IMMP2L: variants seen among roughly 807,000 people sequenced by gnomAD.
IMMP2L encodes inner mitochondrial membrane peptidase subunit 2, also known as mitochondrial inner membrane protease subunit 2.
A neutral mutation model predicts 19.3 loss-of-function variants in IMMP2L; 18 were observed. That is an observed-to-expected ratio of 0.93 (90% CI 0.64 to 1.38). IMMP2L has a LOEUF of 1.38. Among genes scored for constraint, IMMP2L ranks in the 40% most tolerant of loss-of-function variants. The pLI is 0.00. For missense variants in IMMP2L, 233 were observed against 218.2 expected (o/e 1.07, Z -0.43); for synonymous variants, 76 against 73.0 (o/e 1.04, Z -0.21).
At chr7:110,980,085 G>A (rs1228502256) in intron 3 of IMMP2L, among the ~76,000 whole-genome samples, 1 of 151,898 alleles carries the variant, frequency 6.6e-6, no homozygotes, top group Non-Finnish European at 1.5e-5. Context: ...ACAATAAAAA[G>A]CCCTTTCATT....
chr7:110,684,025 A>C (rs1320209360), intron 5 of IMMP2L, among the ~76,000 whole-genome samples: 2 of 152,136 alleles, frequency 1.3e-5, no homozygotes, highest in African/African-American at 2.4e-5. Context: ...AAGAGTAAAT[A>C]ACATGGAGTC....
intron 3 of IMMP2L, among the ~76,000 whole-genome samples, chr7:111,006,790 GA>G (rs1426060083): frequency 2.6e-5 from 4 of 151,988 alleles, no homozygotes; most frequent in Admixed American, 2.6e-4. Flanking sequence ...AGCACTTGAA[GA>G]TCCCCCTTCT....
At chr7:111,193,063 G>A (rs1173757444) in intron 3 of IMMP2L, among the ~76,000 whole-genome samples, 1 of 152,090 alleles carries the variant, frequency 6.6e-6, no homozygotes, top group African/African-American at 2.4e-5. Context: ...CATAAATGGA[G>A]ATATTGAGTA....
At chr7:110,669,348 TC>T (rs1364205902) in intron 5 of IMMP2L, among the ~76,000 whole-genome samples, 1 of 152,144 alleles carries the variant, frequency 6.6e-6, no homozygotes, top group African/African-American at 2.4e-5. Flanking sequence ...GGGGAAGTCA[TC>T]CTGTTGTTCT....
intron 3 of IMMP2L, among the ~76,000 whole-genome samples, chr7:111,182,472 T>C (rs1478011198): frequency 1.3e-5 from 2 of 151,844 alleles, no homozygotes; most frequent in African/African-American, 4.8e-5. Flanking sequence ...CCTCAGACCT[T>C]GGAAATCTCA....
At chr7:111,241,832 G>A (rs943397992) in intron 3 of IMMP2L, among the ~76,000 whole-genome samples, 2 of 151,602 alleles carry the variant, frequency 1.3e-5, no homozygotes, top group Non-Finnish European at 2.9e-5. Flanking sequence ...ACAAAATGAA[G>A]TAAATACATT....
intron 3 of IMMP2L, among the ~76,000 whole-genome samples, chr7:111,086,143 G>A (rs1487128065): frequency 6.6e-6 from 1 of 151,742 alleles, no homozygotes; most frequent in Non-Finnish European, 1.5e-5. Flanking sequence ...AAAAAAAGAC[G>A]TGGACTGGTA....
At chr7:111,019,941 T>C (rs1467364372) in intron 3 of IMMP2L, among the ~76,000 whole-genome samples, 2 of 152,144 alleles carry the variant, frequency 1.3e-5, no homozygotes, top group Admixed American at 1.3e-4. Context: ...ATCTCTTCCA[T>C]GAAGCATTTC....
At chr7:111,423,098 T>A (rs1321860220) in intron 3 of IMMP2L, among the ~76,000 whole-genome samples, 4 of 151,874 alleles carry the variant, frequency 2.6e-5, no homozygotes, top group Non-Finnish European at 5.9e-5. Flanking sequence ...AGCTTCTTGA[T>A]GTGCTGCTGG....
At chr7:110,744,723 C>T (rs1317582766) in intron 5 of IMMP2L, among the ~76,000 whole-genome samples, 1 of 152,166 alleles carries the variant, frequency 6.6e-6, no homozygotes, top group East Asian at 1.9e-4. Flanking sequence ...AAAGGATGTC[C>T]ACTCAGAGAC....
At chr7:111,121,256 GCTGT>G (rs1396563742) in intron 3 of IMMP2L, among the ~76,000 whole-genome samples, 5 of 152,126 alleles carry the variant, frequency 3.3e-5, no homozygotes, top group Non-Finnish European at 7.4e-5. Flanking sequence ...CTGGATATTA[GCTGT>G]CTGTCAGATG....
Position 110,754,219 on chromosome 7 carries a change from A to G in IMMP2L, c.409-90498T>C, listed in dbSNP as rs537833759. On this transcript the variant is annotated intron_variant, in intron 5 of 5. Coordinates refer to ENST00000405709, the MANE Select transcript of IMMP2L (RefSeq NM_032549.4). Reference sequence around the variant, plus strand: ...GAAAAAGTAAGGTAATGAATGGTTTACCAGCTTTTTCTGTGTTTTACTGCT... The same window carrying G: ...GAAAAAGTAAGGTAATGAATGGTTTGCCAGCTTTTTCTGTGTTTTACTGCT... Among the ~76,000 whole-genome samples the G allele has an allele frequency of 4.6e-5, 7 of 152,196 alleles. No homozygotes were observed. The South Asian group carries it at 1.5e-3, about 32-fold the overall frequency.
intron 3 of IMMP2L, among the ~76,000 whole-genome samples, chr7:111,461,859 G>C (rs572957920): frequency 1.1e-4 from 17 of 152,048 alleles, no homozygotes; most frequent in Admixed American, 1.1e-3. Context: ...CAACGTCACA[G>C]CATTCCTTCA....
At chr7:110,988,167 T>C (rs997411034) in intron 3 of IMMP2L, among the ~76,000 whole-genome samples, 1 of 152,112 alleles carries the variant, frequency 6.6e-6, no homozygotes, top group Non-Finnish European at 1.5e-5. Context: ...GCACAATAGC[T>C]CAAATCCAAT....
intron 5 of IMMP2L, among the ~76,000 whole-genome samples, chr7:110,681,791 A>T (rs1792738022): frequency 6.6e-6 from 1 of 152,094 alleles, no homozygotes; most frequent in Admixed American, 6.6e-5. Flanking sequence ...GCAGAAGTGG[A>T]GAAGAGGTTG....
chr7:110,900,868 T>C (rs1811790736), intron 4 of IMMP2L, among the ~76,000 whole-genome samples: 1 of 152,038 alleles, frequency 6.6e-6, no homozygotes, highest in Non-Finnish European at 1.5e-5. Flanking sequence ...CTTCTGGGAA[T>C]TACTGTCTTA....
intron 3 of IMMP2L, among the ~76,000 whole-genome samples, chr7:111,120,922 T>A (rs1212804357): frequency 6.6e-6 from 1 of 150,748 alleles, no homozygotes; most frequent in African/African-American, 2.5e-5. Flanking sequence ...CCTTTTATGT[T>A]GCCTCTCTAA....
intron 4 of IMMP2L, among the ~76,000 whole-genome samples, chr7:110,934,232 A>G (rs1002171935): frequency 3.3e-5 from 5 of 152,062 alleles, no homozygotes; most frequent in Admixed American, 2.6e-4. Flanking sequence ...ATTCTTTTGC[A>G]TTTGCTGAGG....
At chr7:111,264,233 T>C (rs564767698) in intron 3 of IMMP2L, among the ~76,000 whole-genome samples, 29 of 152,270 alleles carry the variant, frequency 1.9e-4, no homozygotes, top group African/African-American at 6.7e-4. Context: ...CTTCTTAAAA[T>C]GAGATCATGA....
Sources: allele counts gnomAD v4.1 joint callset (sites outside exome capture counted in the v4.1 genomes callset), GRCh38; gene constraint gnomAD v4.1.1; transcripts MANE v1.5; gene names NCBI Gene and HGNC (gene_info 2026-07-23, HGNC 2026-07-21).